Variants in PRPF8 observed in about 807,000 individuals in gnomAD.
PRPF8 encodes pre-mRNA-processing-splicing factor 8.
A neutral mutation model predicts 285.9 loss-of-function variants in PRPF8; 64 were observed. That is an observed-to-expected ratio of 0.22 (90% CI 0.18 to 0.28). The LOEUF (loss-of-function observed/expected upper bound fraction) is 0.28, where lower values mean the gene tolerates loss of function less well. PRPF8 is among the 10% of genes least tolerant of loss of function. The pLI is 1.00. For missense variants in PRPF8, 1,426 were observed against 3,026.7 expected (o/e 0.47, Z 12.41); for synonymous variants, 1,325 against 1,118.2 (o/e 1.18, Z -3.69).
At position 1,678,600 on chromosome 17, in the gene PRPF8, A is replaced by G; in HGVS notation, c.1772T>C (p.Met591Thr). 1.2e-6 allele frequency: 2 copies of G among 1,614,250 alleles called. No individual in the cohort carries two copies. The highest frequency in any genetic ancestry group is 1.7e-6 in the Non-Finnish European group (2 of 1,180,046). Residue 591 changes from methionine to threonine, a missense_variant, in exon 13 of 43, where the codon ATG (methionine) becomes ACG (threonine). By Grantham distance (81) the Met-to-Thr change is moderately conservative. Coordinates refer to ENST00000304992, the MANE Select transcript of PRPF8 (RefSeq NM_006445.4). Reference sequence around the variant, plus strand: ...CATCAGCTTGTATTTGTATCGATACATGCCCGTCAACTGCCCAACATGGGC... The same window carrying G: ...CATCAGCTTGTATTTGTATCGATACGTGCCCGTCAACTGCCCAACATGGGC... ...IFAHVGQLTG[M>T]YRYKYKLMRQ...
intron 24 of PRPF8, among the ~76,000 whole-genome samples, chr17:1,663,442 G>T (rs934548569): frequency 6.6e-6 from 1 of 152,066 alleles, no homozygotes; most frequent in Non-Finnish European, 1.5e-5. Context: ...GCCGGGCATG[G>T]TGGCTCACAC....
At chr17:1,656,864 G>A in intron 34 of PRPF8, 103 bp from the exon 35 acceptor site, 1 of 1,026,148 alleles carries the variant, frequency 9.7e-7, no homozygotes, top group Non-Finnish European at 1.5e-6. Context: ...CGTTTCTATT[G>A]AACACTGATG....
rs750542876 is a variant in PRPF8, at chr17:1,675,358, G to C, written c.2873-19C>G. The C allele has an allele frequency of 6.2e-7, 1 of 1,613,708 alleles. No homozygotes were observed. Among genetic ancestry groups the C allele is most frequent in the African/African-American group, 1.3e-5 (1 of 74,894 alleles). Reference sequence around the variant, plus strand: ...TTGATGCCTGAGGAGTAGCAAGGCAGGTCTCCAGCAGGTTAGAAATCCTCT... The same window carrying C: ...TTGATGCCTGAGGAGTAGCAAGGCACGTCTCCAGCAGGTTAGAAATCCTCT... On this transcript the variant is annotated intron_variant, in intron 19 of 42. Coordinates refer to ENST00000304992, the MANE Select transcript of PRPF8 (RefSeq NM_006445.4). This position sits in a 1 kb window ranked among gnomAD's most constrained non-coding sequence, Gnocchi z 6.0.
chr17:1,673,017 G>A lies in PRPF8; in HGVS notation c.3774+64C>T, dbSNP rs1233043274. 1.4e-6 allele frequency: 2 copies of A among 1,439,690 alleles called. No homozygotes were observed. Among genetic ancestry groups the A allele is most frequent in the Admixed American group, 1.7e-5 (1 of 59,792 alleles). The allele number at this position is 1,439,690 out of a possible 1,614,324, so 89.2% of individuals were successfully genotyped here. On this transcript the variant is annotated intron_variant, in intron 24 of 42. Transcript: ENST00000304992. The surrounding 1 kb of genome is among the most constrained non-coding windows in gnomAD (Gnocchi z 5.5). ...GCAGCCAGCAGGGGACGAAGTGAAAGGGGTGTGAAATGAGCAGAGGACAGC... is the reference window on the plus strand; with the variant it reads ...GCAGCCAGCAGGGGACGAAGTGAAAAGGGTGTGAAATGAGCAGAGGACAGC...
At chr17:1,671,048 A>G (rs8071756) in intron 24 of PRPF8, among the ~76,000 whole-genome samples, 43,465 of 151,996 alleles carry the variant, frequency 0.29, 7,988 homozygotes, top group African/African-American at 0.52. Flanking sequence ...TCCACTATTT[A>G]TCCAGCCTCA....
At chr17:1,665,813 T>C (rs1911942896) in intron 24 of PRPF8, among the ~76,000 whole-genome samples, 1 of 143,928 alleles carries the variant, frequency 6.9e-6, no homozygotes, top group African/African-American at 2.7e-5. Flanking sequence ...GCCACTGCAC[T>C]CCAGCCTGGG....
rs1324991198 is a variant in PRPF8, at chr17:1,683,632, T to C, written c.170A>G (p.Gln57Arg). ...EKRKFGFVDAQKEDMPPEHVR... is the reference protein window; with the variant it reads ...EKRKFGFVDARKEDMPPEHVR... ...ATGTTCTGGGGGCATGTCTTCCTTCTGGGCATCCACAAACCCAAACTTCCG... is the reference window on the plus strand; with the variant it reads ...ATGTTCTGGGGGCATGTCTTCCTTCCGGGCATCCACAAACCCAAACTTCCG... Residue 57 changes from glutamine to arginine, a missense_variant, in exon 3 of 43, where the codon CAG becomes CGG. By Grantham distance (43) the Gln-to-Arg change is conservative. Around this residue, in one of 34 missense-constraint regions of PRPF8, gnomAD observed 72 missense variants for 80.0 expected, o/e 0.90. Transcript: ENST00000304992. The C allele has an allele frequency of 3.1e-6, 5 of 1,614,212 alleles. No individual in the cohort carries two copies. The highest frequency in any genetic ancestry group is 4.2e-6 in the Non-Finnish European group (5 of 1,180,030).
intron 24 of PRPF8, among the ~76,000 whole-genome samples, chr17:1,663,108 C>G (rs1289664648): frequency 1.3e-5 from 2 of 151,934 alleles, no homozygotes; most frequent in Non-Finnish European, 2.9e-5. Context: ...GGTTCTTGTA[C>G]TATATGTGAA....
At chr17:1,660,950 C>G in intron 28 of PRPF8, 43 bp downstream of exon 28, 2 of 1,612,876 alleles carry the variant, frequency 1.2e-6, no homozygotes, top group Non-Finnish European at 1.7e-6. Flanking sequence ...GAGATGAGCT[C>G]AAAGGGTTGT....
At chr17:1,664,449 T>C (rs1417323196) in intron 24 of PRPF8, among the ~76,000 whole-genome samples, 1 of 152,006 alleles carries the variant, frequency 6.6e-6, no homozygotes, top group Non-Finnish European at 1.5e-5. Context: ...AGAATACAGA[T>C]TAACAGATAT....
intron 24 of PRPF8, among the ~76,000 whole-genome samples, chr17:1,668,626 T>G (rs1912134535): frequency 6.6e-6 from 1 of 152,076 alleles, no homozygotes; most frequent in African/African-American, 2.4e-5. Context: ...CCTCCCAAAG[T>G]GCTGGGATTA....
Position 1,674,450 on chromosome 17 carries a change from A to T in PRPF8, c.3291T>A (p.Ile1097=). The change falls in exon 21 of 43, where the codon ATT becomes ATA. Residue 1097 remains isoleucine, a synonymous_variant. Transcript: ENST00000304992. ...LFCRYIDRIH[I]FFRFTADEAR... ...TCCAGGAAAGCCCTCACCTGAAAAA[A>T]ATATGGATGCGATCAATGTATCTGC... The T allele has an allele frequency of 1.9e-6, 3 of 1,614,120 alleles. No individual in the cohort carries two copies. Among genetic ancestry groups the T allele is most frequent in the Non-Finnish European group, 2.5e-6 (3 of 1,179,974 alleles).
intron 39 of PRPF8, chr17:1,652,049 G>A: frequency 1.7e-6 from 1 of 582,386 alleles, no homozygotes; most frequent in Non-Finnish European, 3.1e-6. Flanking sequence ...TGATTATTAA[G>A]CATAGTATTC....
intron 20 of PRPF8, among the ~76,000 whole-genome samples, chr17:1,674,946 A>G (rs555494694): frequency 1.3e-5 from 2 of 151,830 alleles, no homozygotes; most frequent in South Asian, 2.1e-4. Context: ...TAATTTTTGT[A>G]TTTTTTTAAG....
chr17:1,667,920 C>T (rs1036813277), intron 24 of PRPF8, among the ~76,000 whole-genome samples: 11 of 152,184 alleles, frequency 7.2e-5, no homozygotes, highest in African/African-American at 2.7e-4. Context: ...TCAAGCAGTC[C>T]TCCCACCTCG....
chr17:1,650,905 T>C lies in PRPF8; in HGVS notation c.6905A>G (p.Lys2302Arg). 8.7e-6 allele frequency: 14 copies of C among 1,614,174 alleles called. No individual in the cohort carries two copies. Among genetic ancestry groups the C allele is most frequent in the Non-Finnish European group, 1.2e-5 (14 of 1,180,030 alleles). ...MKYELQLANP[K>R]EFYHEVHRPS... ...CCTGTGCACCTCGTGGTAGAACTCT[T>C]TGGGGTTCGCCAGCTGTAGCTCATA... The change falls in exon 43 of 43, where the codon AAA (lysine) becomes AGA (arginine). Residue 2302 changes from lysine to arginine, a missense_variant. Around this residue, in one of 34 missense-constraint regions of PRPF8, gnomAD observed 59 missense variants for 58.6 expected, o/e 1.01. Transcript: ENST00000304992.
intron 21 of PRPF8, 102 bp downstream of exon 21, chr17:1,674,340 G>A: frequency 2.7e-6 from 3 of 1,097,048 alleles, no homozygotes; most frequent in African/African-American, 1.6e-5. Context: ...CCATTTTAAA[G>A]CCCCAACAGC....
At chr17:1,680,202 C>T (rs1460023197) in intron 8 of PRPF8, among the ~76,000 whole-genome samples, 3 of 152,196 alleles carry the variant, frequency 2.0e-5, no homozygotes, top group Non-Finnish European at 4.4e-5. Flanking sequence ...GATTCTATTT[C>T]ATTCTATCAT....
chr17:1,676,473 A>G lies in PRPF8; in HGVS notation c.2388+32T>C, dbSNP rs2151128158. On this transcript the variant is annotated intron_variant, in intron 16 of 42. Transcript: ENST00000304992. This position sits in a 1 kb window ranked among gnomAD's most constrained non-coding sequence, Gnocchi z 6.3. ...CCTCCCTCTTGCCCACTCCCCCACC[A>G]CTCACACCCAGCCCAGCCTACTCTG... 6.2e-7 allele frequency: 1 copy of G among 1,613,554 alleles called. No individual in the cohort carries two copies. Among genetic ancestry groups the G allele is most frequent in the African/African-American group, 1.3e-5 (1 of 74,894 alleles).
Sources: gnomAD v4.1 joint callset for allele counts (sites outside exome capture counted in the v4.1 genomes callset) on GRCh38, gnomAD v4.1.1 for gene constraint, gnomAD v4.1.1 regional missense constraint, Gnocchi (gnomAD v3.1) non-coding constraint, MANE v1.5 for transcripts, NCBI Gene and HGNC (gene_info 2026-07-23, HGNC 2026-07-21) for gene names.